The following TNR variants were observed in gnomAD, a reference collection of about 807,000 sequenced individuals.
TNR encodes tenascin R, also known as tenascin-R.
TNR carries 45 observed loss-of-function variants against 150.4 expected under a neutral mutation model. The ratio of observed to expected loss-of-function variants is 0.30; its 90% CI spans 0.24 to 0.38. The LOEUF (loss-of-function observed/expected upper bound fraction) is 0.38, where lower values mean the gene tolerates loss of function less well. Ranked by LOEUF, TNR falls within the 10% of genes least tolerant of loss-of-function variation. The pLI is 1.00. For missense variants in TNR, 1,544 were observed against 1,759.1 expected (o/e 0.88, Z 2.19); for synonymous variants, 687 against 678.4 (o/e 1.01, Z -0.20).
intron 1 of TNR, among the ~76,000 whole-genome samples, chr1:175,661,858 G>A (rs117486774): frequency 0.015 from 1,940 of 125,446 alleles, 35 homozygotes; most frequent in East Asian, 0.062. Flanking sequence ...TCTCTTTGCC[G>A]CACCCCTCTT....
chr1:175,682,287 G>T (rs1666057589), intron 1 of TNR, among the ~76,000 whole-genome samples: 1 of 152,140 alleles, frequency 6.6e-6, no homozygotes, highest in African/African-American at 2.4e-5. Context: ...AGCTTCCCCG[G>T]GCCCAGGTGC....
rs761169578 is a variant in TNR, at chr1:175,666,080, C to T, written c.-165+77146G>A. ...TATTAAATTTCTACTGAGTACCTGT[C>T]CTCTCAGGGGTGTTAGATACATGAC... On this transcript the variant is annotated intron_variant, in intron 1 of 22. Coordinates refer to ENST00000367674, the MANE Select transcript of TNR (RefSeq NM_003285.3). 6.8e-4 allele frequency among the ~76,000 whole-genome samples: 103 copies of T among 152,304 alleles called. 1 individual carries two copies. The highest frequency in any genetic ancestry group is 3.4e-3 in the Middle Eastern group (1 of 294).
chr1:175,679,716 G>A (rs1166899350), intron 1 of TNR, among the ~76,000 whole-genome samples: 1 of 152,176 alleles, frequency 6.6e-6, no homozygotes, highest in Non-Finnish European at 1.5e-5. Context: ...GGCCACAGGG[G>A]AGACCAAGAG....
At chr1:175,379,936 G>A (rs1652594729) in intron 8 of TNR, among the ~76,000 whole-genome samples, 199 bp from the exon 9 acceptor site, 1 of 152,112 alleles carries the variant, frequency 6.6e-6, no homozygotes, top group Non-Finnish European at 1.5e-5. Context: ...GTGATACTTG[G>A]GAGCTGAAGA....
chr1:175,520,344 G>A (rs116766450), intron 2 of TNR, among the ~76,000 whole-genome samples: 2,118 of 152,286 alleles, frequency 0.014, 52 homozygotes, highest in African/African-American at 0.047. Flanking sequence ...GCAGAGAAGC[G>A]TGGCACTCCC....
In TNR at chr1:175,321,880, A is replaced by G. The variant is rs1278205954; in HGVS notation, c.*1477T>C. On this transcript the variant is annotated 3_prime_UTR_variant, in exon 23 of 23. Coordinates refer to ENST00000367674, the MANE Select transcript of TNR (RefSeq NM_003285.3). Reference sequence around the variant, plus strand: ...CCTGTTTCCCATAGGACCAAAAAAGAAAAAAAAAATCAACCTCTTTCCAGG... The same window carrying G: ...CCTGTTTCCCATAGGACCAAAAAAGGAAAAAAAAATCAACCTCTTTCCAGG... 1.3e-5 allele frequency: 2 copies of G among 150,028 alleles called. No homozygotes were observed. The highest frequency in any genetic ancestry group is 3.0e-5 in the Non-Finnish European group (2 of 67,556). The allele number at this position is 150,028 out of a possible 1,614,324, so 9.3% of individuals were successfully genotyped here.
At chr1:175,331,048 T>TCTTTCTTGCTTG (rs1649778782) in intron 20 of TNR, among the ~76,000 whole-genome samples, 1 of 90,664 alleles carries the variant, frequency 1.1e-5, no homozygotes, top group African/African-American at 4.0e-5. Flanking sequence ...TTTCTTTCTT[T>TCTTTCTTGCTTG]CTTTCTTTCT....
At chr1:175,340,200 G>T (rs1293586088) in intron 18 of TNR, among the ~76,000 whole-genome samples, 1 of 152,142 alleles carries the variant, frequency 6.6e-6, no homozygotes, top group African/African-American at 2.4e-5. Context: ...TTCCAGGCCG[G>T]CAATGAGCTG....
chr1:175,560,330 C>T (rs528911736), intron 1 of TNR, among the ~76,000 whole-genome samples: 6 of 152,212 alleles, frequency 3.9e-5, no homozygotes, highest in Non-Finnish European at 7.3e-5. Context: ...ATAGAGGATA[C>T]AGCCAAAGAT....
chr1:175,442,241 A>T (rs1655824535), intron 2 of TNR, among the ~76,000 whole-genome samples: 1 of 152,010 alleles, frequency 6.6e-6, no homozygotes, highest in Non-Finnish European at 1.5e-5. Flanking sequence ...CAAGCAATTC[A>T]TAGAATTTGC....
intron 20 of TNR, 61 bp from the exon 21 acceptor site, chr1:175,330,296 G>C: frequency 6.9e-7 from 1 of 1,456,380 alleles, no homozygotes; most frequent in Non-Finnish European, 9.2e-7. Context: ...AAAATGGGAG[G>C]GAAATGCGTC....
rs138014029 is a variant in TNR at position 175,646,801 on chromosome 1, G to A, written c.-165+96425C>T. On this transcript the variant is annotated intron_variant, in intron 1 of 22. Coordinates refer to ENST00000367674, the MANE Select transcript of TNR (RefSeq NM_003285.3). ...GCCCAAGGTTCCACCACTCCTTACTGTCTTCTGCCAGGTCCACTGGAATTT... is the reference window on the plus strand; with the variant it reads ...GCCCAAGGTTCCACCACTCCTTACTATCTTCTGCCAGGTCCACTGGAATTT... Among the ~76,000 whole-genome samples the A allele has an allele frequency of 7.0e-4, 107 of 152,304 alleles. 1 individual carries two copies. Among genetic ancestry groups the A allele is most frequent in the Admixed American group, 1.9e-3 (29 of 15,298 alleles).
At position 175,607,105 on chromosome 1, in the gene TNR, A is replaced by G. The variant is rs968619757; in HGVS notation, c.-164-78736T>C. 8.5e-5 allele frequency among the ~76,000 whole-genome samples: 13 copies of G among 152,318 alleles called. No individual in the cohort carries two copies. The East Asian group carries it at 2.5e-3, about 29-fold the overall frequency. Reference sequence around the variant, plus strand: ...AAAGTTGGTAGAGTTTGTTCTGTTAACAAAACATCCATCTATCCCATTTCT... The same window carrying G: ...AAAGTTGGTAGAGTTTGTTCTGTTAGCAAAACATCCATCTATCCCATTTCT... On this transcript the variant is annotated intron_variant, in intron 1 of 22. Coordinates refer to ENST00000367674, the MANE Select transcript of TNR (RefSeq NM_003285.3).
At chr1:175,406,840 C>T in intron 2 of TNR, 63 bp from the exon 3 acceptor site, 1 of 1,285,420 alleles carries the variant, frequency 7.8e-7, no homozygotes, top group Non-Finnish European at 1.1e-6. Flanking sequence ...CATGGCTCTG[C>T]ACAAGCCTAC....
At chr1:175,333,305 T>G (rs1167498672) in intron 20 of TNR, 1 of 152,252 alleles carries the variant, frequency 6.6e-6, no homozygotes, top group East Asian at 1.9e-4. Flanking sequence ...AAGTGCATGA[T>G]AGTTTATGTA....
intron 1 of TNR, among the ~76,000 whole-genome samples, chr1:175,650,800 C>G (rs1472413925): frequency 0.013 from 30 of 2,326 alleles, no homozygotes; most frequent in South Asian, 0.049. Flanking sequence ...TCCCCCATCT[C>G]ATTACTACCT....
intron 2 of TNR, among the ~76,000 whole-genome samples, chr1:175,436,086 C>T (rs1645871123): frequency 6.6e-6 from 1 of 152,140 alleles, no homozygotes; most frequent in African/African-American, 2.4e-5. Flanking sequence ...TCCTTCATTT[C>T]AACTTTGGTG....
chr1:175,432,811 G>T (rs1427324330), intron 2 of TNR, among the ~76,000 whole-genome samples: 1 of 152,106 alleles, frequency 6.6e-6, no homozygotes, highest in Non-Finnish European at 1.5e-5. Context: ...TCTTTTGGTG[G>T]CAAACACATA....
rs1187076796 is a variant in TNR at position 175,548,479 on chromosome 1, GAAAGATTCC to G, written c.-164-20119_-164-20111del. Among the ~76,000 whole-genome samples, 3 of 152,162 alleles carry G rather than the reference GAAAGATTCC, an allele frequency of 2.0e-5. No homozygotes were observed. The East Asian group carries it at 5.8e-4, about 29-fold the overall frequency. On this transcript the variant is annotated intron_variant, in intron 1 of 22. Coordinates refer to ENST00000367674, the MANE Select transcript of TNR (RefSeq NM_003285.3). ...TATAATGAGAAATGTGCCAGCATCAGAAAGATTCCAAAACAGACCACTCTCCCCTGTGTC... is the reference window on the plus strand; with the variant it reads ...TATAATGAGAAATGTGCCAGCATCAGAAAACAGACCACTCTCCCCTGTGTC...
Sources: gnomAD v4.1 joint callset for allele counts (sites outside exome capture counted in the v4.1 genomes callset) on GRCh38, gnomAD v4.1.1 for gene constraint, MANE v1.5 for transcripts, NCBI Gene and HGNC (gene_info 2026-07-23, HGNC 2026-07-21) for gene names.